Variants in PCDH7 observed in about 807,000 individuals in gnomAD.
The protein encoded by PCDH7 is protocadherin-7.
PCDH7 carries 17 observed loss-of-function variants against 58.9 expected under a neutral mutation model. The observed-to-expected ratio is 0.29, with a 90% CI of 0.20 to 0.43. PCDH7 has a LOEUF of 0.43. Among genes scored for constraint, PCDH7 ranks in the 20% least tolerant of loss-of-function variants. The pLI, the probability that PCDH7 is intolerant of heterozygous loss-of-function variation, is 1.00. For synonymous variants in PCDH7, 664 were observed against 616.4 expected (o/e 1.08, Z -1.14); for missense variants, 1,274 against 1,441.0 (o/e 0.88, Z 1.88).
chr4:30,723,775 G>C lies in PCDH7; in HGVS notation c.2353G>C (p.Gly785Arg), dbSNP rs1160052953. ...TGCAGACCTGAACTACAGCATTGTGGGAGGAAATCCCTTCAAGCTGTTTGA... is the reference window on the plus strand; with the variant it reads ...TGCAGACCTGAACTACAGCATTGTGCGAGGAAATCCCTTCAAGCTGTTTGA... The change falls in exon 1 of 2, where the codon GGA becomes CGA. Residue 785 changes from glycine to arginine, a missense_variant. Coordinates refer to ENST00000361762, the Ensembl canonical transcript of PCDH7. This position sits in a 1 kb window ranked among gnomAD's most constrained non-coding sequence, Gnocchi z 4.6. 2 of 1,614,146 alleles carry C rather than the reference G, an allele frequency of 1.2e-6. No homozygotes were observed. The highest frequency in any genetic ancestry group is 3.3e-5 in the Admixed American group (2 of 60,014).
intron 3 of PCDH7, among the ~76,000 whole-genome samples, chr4:31,089,802 C>T (rs1223024603): frequency 6.6e-6 from 1 of 152,068 alleles, no homozygotes; most frequent in Admixed American, 6.6e-5. Context: ...AGAGAACCAT[C>T]AACTAACTCT....
intron 3 of PCDH7, among the ~76,000 whole-genome samples, chr4:31,023,949 T>C (rs1754222325): frequency 6.6e-6 from 1 of 152,142 alleles, no homozygotes; most frequent in African/African-American, 2.4e-5. Context: ...GGTCAGGGAA[T>C]GTAATGAGAC....
chr4:31,003,668 G>C (rs1036758657), intron 3 of PCDH7, among the ~76,000 whole-genome samples: 2 of 152,008 alleles, frequency 1.3e-5, no homozygotes, highest in African/African-American at 4.8e-5. Flanking sequence ...AGCAGTTTGG[G>C]AGGCAGAGGC....
intron 3 of PCDH7, among the ~76,000 whole-genome samples, chr4:31,025,474 T>A (rs538549715): frequency 6.6e-6 from 1 of 152,192 alleles, no homozygotes. Context: ...AATGTTTTGA[T>A]CCCACTTAAC....
At chr4:30,777,771 C>T (rs1722265080) in intron 1 of PCDH7, among the ~76,000 whole-genome samples, 1 of 152,074 alleles carries the variant, frequency 6.6e-6, no homozygotes, top group African/African-American at 2.4e-5. Context: ...CACTTGTGTG[C>T]TATATTTGCC....
At chr4:31,096,430 C>G (rs1370928870) in intron 3 of PCDH7, among the ~76,000 whole-genome samples, 2 of 152,060 alleles carry the variant, frequency 1.3e-5, no homozygotes, top group Non-Finnish European at 1.5e-5. Context: ...AAAGAAGAAC[C>G]TTCTTTTCAC....
At chr4:30,770,283 G>A (rs1245841543) in intron 1 of PCDH7, among the ~76,000 whole-genome samples, 4 of 152,178 alleles carry the variant, frequency 2.6e-5, no homozygotes, top group South Asian at 4.1e-4. Context: ...GTCCTCACAT[G>A]AAATAGTCCA....
intron 1 of PCDH7, among the ~76,000 whole-genome samples, chr4:30,789,450 C>G (rs1383304093): frequency 2.0e-5 from 3 of 152,012 alleles, no homozygotes; most frequent in Non-Finnish European, 4.4e-5. Flanking sequence ...AAGCAACAGG[C>G]AGAAAGTCTT....
intron 3 of PCDH7, among the ~76,000 whole-genome samples, chr4:31,007,332 T>G (rs1426156985): frequency 6.6e-6 from 1 of 152,226 alleles, no homozygotes; most frequent in African/African-American, 2.4e-5. Flanking sequence ...GTAATCAATA[T>G]TAGACAAGAG....
chr4:30,834,450 G>A (rs1276420624), intron 1 of PCDH7, among the ~76,000 whole-genome samples: 3 of 152,128 alleles, frequency 2.0e-5, no homozygotes. Flanking sequence ...CACGGCTGTT[G>A]CATTAGAGAG....
chr4:30,873,690 T>C (rs1178479469), intron 1 of PCDH7, among the ~76,000 whole-genome samples: 2 of 152,072 alleles, frequency 1.3e-5, no homozygotes, highest in African/African-American at 4.8e-5. Flanking sequence ...TTGCTGGGTA[T>C]TTTTACTTCT....
At chr4:30,898,127 T>C (rs2109391627) in intron 1 of PCDH7, among the ~76,000 whole-genome samples, 1 of 152,356 alleles carries the variant, frequency 6.6e-6, no homozygotes, top group African/African-American at 2.4e-5. Flanking sequence ...ATGTTTCTAT[T>C]TTCTATCCAT....
intron 1 of PCDH7, among the ~76,000 whole-genome samples, chr4:30,806,808 T>A (rs1036933623): frequency 6.6e-6 from 1 of 152,054 alleles, no homozygotes; most frequent in Non-Finnish European, 1.5e-5. Flanking sequence ...CAATCTTCAG[T>A]CCCTGCCCCA....
At chr4:30,966,834 A>C (rs1749038160) in intron 3 of PCDH7, among the ~76,000 whole-genome samples, 1 of 152,178 alleles carries the variant, frequency 6.6e-6, no homozygotes, top group South Asian at 2.1e-4. Flanking sequence ...TTTAAAGGAC[A>C]AAATCCTATT....
At chr4:30,881,177 A>G (rs756474383) in intron 1 of PCDH7, among the ~76,000 whole-genome samples, 1 of 152,044 alleles carries the variant, frequency 6.6e-6, no homozygotes, top group African/African-American at 2.4e-5. Flanking sequence ...CCTGTTACCA[A>G]CCCTGGAGCT....
chr4:31,144,021 T>C (rs1221493360), downstream of PCDH7: 1 of 152,226 alleles, frequency 6.6e-6, no homozygotes, highest in African/African-American at 2.4e-5. Flanking sequence ...TGCATTGGCA[T>C]ATAGTCTTGA....
chr4:30,960,572 C>T (rs2109459117), intron 3 of PCDH7, among the ~76,000 whole-genome samples: 1 of 152,266 alleles, frequency 6.6e-6, no homozygotes, highest in South Asian at 2.1e-4. Flanking sequence ...ATATTTTATG[C>T]TAACTGTTAG....
At chr4:31,014,937 A>C (rs1753490032) in intron 3 of PCDH7, among the ~76,000 whole-genome samples, 1 of 152,176 alleles carries the variant, frequency 6.6e-6, no homozygotes, top group African/African-American at 2.4e-5. Context: ...TCTAGAATAT[A>C]AGCTAATGTG....
chr4:30,762,931 A>C (rs1391061617), intron 1 of PCDH7, among the ~76,000 whole-genome samples: 1 of 152,216 alleles, frequency 6.6e-6, no homozygotes, highest in Non-Finnish European at 1.5e-5. Context: ...AATGGCAAAC[A>C]GCAATTTAAA....
Sources: allele counts gnomAD v4.1 joint callset (sites outside exome capture counted in the v4.1 genomes callset), GRCh38; gene constraint gnomAD v4.1.1; non-coding constraint Gnocchi (gnomAD v3.1); transcripts MANE v1.5; gene names NCBI Gene and HGNC (gene_info 2026-07-23, HGNC 2026-07-21).